XIRP2: variants seen among roughly 807,000 people sequenced by gnomAD.
The protein encoded by XIRP2 is xin actin-binding repeat-containing protein 2.
Under a neutral mutation model 277.0 loss-of-function variants are expected in XIRP2, and 236 were observed. That is an observed-to-expected ratio of 0.85 (90% confidence interval 0.77 to 0.95). The LOEUF (loss-of-function observed/expected upper bound fraction) is 0.95. XIRP2 is among the 40% of genes least tolerant of loss of function. The pLI, the probability that XIRP2 is intolerant of heterozygous loss-of-function variation, is 0.00. For missense variants in XIRP2, 4,640 were observed against 4,157.5 expected, an observed-to-expected ratio of 1.12 and a Z score of -3.19; for synonymous variants, 1,490 against 1,416.5, an observed-to-expected ratio of 1.05 and a Z score of -1.17.
At chr2:166,913,638 G>A (rs531768202) in intron 2 of XIRP2, among the ~76,000 whole-genome samples, 12 of 152,284 alleles carry the variant, frequency 7.9e-5, no homozygotes, top group African/African-American at 2.6e-4. Context: ...ATTGATCAAA[G>A]TGGCCACAAA....
intron 2 of XIRP2, among the ~76,000 whole-genome samples, chr2:167,122,752 C>A (rs1169042469): frequency 6.6e-6 from 1 of 152,184 alleles, no homozygotes; most frequent in Non-Finnish European, 1.5e-5. Flanking sequence ...ACACATCTAT[C>A]AAATTGATAA....
chr2:167,080,181 T>A (rs1689691647), intron 2 of XIRP2, among the ~76,000 whole-genome samples: 1 of 152,152 alleles, frequency 6.6e-6, no homozygotes, highest in South Asian at 2.1e-4. Flanking sequence ...TATTGTGTTG[T>A]TTGCTATAAT....
At chr2:167,219,702 G>A (rs548770076) in intron 5 of XIRP2, among the ~76,000 whole-genome samples, 17 of 152,194 alleles carry the variant, frequency 1.1e-4, no homozygotes, top group African/African-American at 3.4e-4. Flanking sequence ...TTCATTTTAC[G>A]CTGGGTCTGG....
At chr2:167,043,087 G>A (rs545713019) in intron 2 of XIRP2, among the ~76,000 whole-genome samples, 40 of 152,130 alleles carry the variant, frequency 2.6e-4, no homozygotes, top group Admixed American at 9.8e-4. Flanking sequence ...ATGATGTCTA[G>A]GTAAAGTATG....
chr2:166,921,970 A>G (rs1489268284), intron 2 of XIRP2, among the ~76,000 whole-genome samples: 1 of 152,150 alleles, frequency 6.6e-6, no homozygotes, highest in Admixed American at 6.6e-5. Flanking sequence ...TACAGATGAC[A>G]TGGGTGAAAA....
intron 1 of XIRP2, among the ~76,000 whole-genome samples, chr2:166,893,482 G>T (rs1390019959): frequency 6.6e-6 from 1 of 151,844 alleles, no homozygotes; most frequent in Non-Finnish European, 1.5e-5. Flanking sequence ...TGATTTCATT[G>T]GTTCTGCATT....
intron 5 of XIRP2, among the ~76,000 whole-genome samples, chr2:167,236,241 A>T (rs1431691933): frequency 6.7e-6 from 1 of 148,158 alleles, no homozygotes; most frequent in African/African-American, 2.5e-5. Context: ...GAGTCGCCAT[A>T]AAAAAAAAAG....
intron 2 of XIRP2, among the ~76,000 whole-genome samples, chr2:167,042,588 A>G (rs115112400): frequency 0.039 from 5,931 of 152,284 alleles, 172 homozygotes; most frequent in Non-Finnish European, 0.056. Flanking sequence ...ACTTTAAACC[A>G]ACAATGGTCA....
chr2:167,232,276 G>A (rs903996254), intron 5 of XIRP2, among the ~76,000 whole-genome samples: 18 of 151,948 alleles, frequency 1.2e-4, no homozygotes, highest in Admixed American at 1.1e-3. Context: ...AAGACGAAGT[G>A]TAAATAAATT....
At chr2:166,913,022 A>T (rs569234179) in intron 2 of XIRP2, among the ~76,000 whole-genome samples, 1 of 152,214 alleles carries the variant, frequency 6.6e-6, no homozygotes, top group African/African-American at 2.4e-5. Context: ...CTACTGGAGG[A>T]TGCCTCCCAG....
chr2:167,019,485 C>T (rs1307035900), intron 2 of XIRP2, among the ~76,000 whole-genome samples: 2 of 151,982 alleles, frequency 1.3e-5, no homozygotes, highest in African/African-American at 4.8e-5. Context: ...CAAATCTAAT[C>T]TCTGTGGCAC....
intron 9 of XIRP2, 136 bp downstream of exon 9, chr2:167,252,083 A>G: frequency 1.5e-6 from 2 of 1,333,996 alleles, no homozygotes; most frequent in Non-Finnish European, 2.0e-6. Context: ...CTTCCCATGT[A>G]TGCTTATAGA....
chr2:167,005,019 T>A (rs940172579), intron 2 of XIRP2, among the ~76,000 whole-genome samples: 4 of 151,808 alleles, frequency 2.6e-5, no homozygotes, highest in Non-Finnish European at 5.9e-5. Context: ...AGCAGACAGA[T>A]CAGGCCACTA....
intron 10 of XIRP2, among the ~76,000 whole-genome samples, chr2:167,254,641 G>A (rs1441132543): frequency 1.3e-5 from 2 of 151,874 alleles, no homozygotes; most frequent in Non-Finnish European, 2.9e-5. Context: ...GCTTGGCTGT[G>A]TTCCAATAAA....
intron 5 of XIRP2, among the ~76,000 whole-genome samples, chr2:167,231,594 T>C (rs1694756342): frequency 6.6e-6 from 1 of 151,756 alleles, no homozygotes; most frequent in Admixed American, 6.6e-5. Flanking sequence ...ATCAAAACCA[T>C]TTTCTATTCT....
intron 5 of XIRP2, among the ~76,000 whole-genome samples, chr2:167,230,147 G>A (rs947420680): frequency 4.6e-5 from 7 of 152,090 alleles, no homozygotes; most frequent in East Asian, 3.9e-4. Flanking sequence ...ACAACATTCT[G>A]TAGCATTTGA....
chr2:166,997,190 T>A (rs920352852), intron 2 of XIRP2, among the ~76,000 whole-genome samples: 1 of 152,292 alleles, frequency 6.6e-6, no homozygotes, highest in South Asian at 2.1e-4. Flanking sequence ...TTTCACAGGA[T>A]TTTTTATTAA....
intron 3 of XIRP2, among the ~76,000 whole-genome samples, chr2:167,195,664 A>G (rs890573155): frequency 6.6e-6 from 1 of 152,208 alleles, no homozygotes; most frequent in Non-Finnish European, 1.5e-5. Flanking sequence ...GGCAAAGAGA[A>G]CCCAATAGTT....
chr2:167,086,610 A>G (rs1689952769), intron 2 of XIRP2, among the ~76,000 whole-genome samples: 1 of 151,828 alleles, frequency 6.6e-6, no homozygotes, highest in South Asian at 2.1e-4. Flanking sequence ...CTTTTCACAT[A>G]GTCCCATATT....
Sources: gnomAD v4.1 joint callset for allele counts (sites outside exome capture counted in the v4.1 genomes callset) on GRCh38, gnomAD v4.1.1 for gene constraint, MANE v1.5 for transcripts, NCBI Gene and HGNC (gene_info 2026-07-23, HGNC 2026-07-21) for gene names.